Variants in XKR4 observed in about 807,000 individuals in gnomAD.
The protein encoded by XKR4 is XK related 4, also known as XK-related protein 4.
In XKR4, 12 loss-of-function variants were observed where a neutral mutation model predicts 53.9. That is an observed-to-expected ratio of 0.22 (90% CI 0.14 to 0.36). XKR4 has a LOEUF of 0.36. Among genes scored for constraint, XKR4 ranks in the 10% least tolerant of loss-of-function variants. XKR4 has a pLI of 1.00. For missense variants in XKR4, 799 were observed against 859.5 expected (o/e 0.93, Z 0.88); for synonymous variants, 354 against 362.4 (o/e 0.98, Z 0.26).
At chr8:55,231,324 T>C (rs998072854) in intron 1 of XKR4, among the ~76,000 whole-genome samples, 2 of 152,190 alleles carry the variant, frequency 1.3e-5, no homozygotes, top group Admixed American at 6.5e-5. Flanking sequence ...CTGAGTAAAG[T>C]AGGAAAATAC....
intron 1 of XKR4, among the ~76,000 whole-genome samples, chr8:55,176,337 A>G (rs1389087695): frequency 6.6e-6 from 1 of 152,230 alleles, no homozygotes; most frequent in African/African-American, 2.4e-5. Flanking sequence ...TCGCTCTGCT[A>G]GCCTTGCACC....
chr8:55,269,818 T>G (rs1190106633), intron 1 of XKR4, among the ~76,000 whole-genome samples: 1 of 152,196 alleles, frequency 6.6e-6, no homozygotes, highest in Non-Finnish European at 1.5e-5. Flanking sequence ...ATTTGTATCT[T>G]TTTTCATGTT....
intron 1 of XKR4, among the ~76,000 whole-genome samples, chr8:55,180,337 G>A (rs962156419): frequency 7.2e-5 from 11 of 152,082 alleles, no homozygotes; most frequent in Non-Finnish European, 1.3e-4. Context: ...CCAAGTCTTC[G>A]TCAAGGAAAA....
intron 2 of XKR4, among the ~76,000 whole-genome samples, chr8:55,455,718 G>A (rs1805559982): frequency 6.6e-6 from 1 of 152,194 alleles, no homozygotes; most frequent in South Asian, 2.1e-4. Flanking sequence ...GATAACCAAT[G>A]CATTTGTGCA....
intron 1 of XKR4, among the ~76,000 whole-genome samples, chr8:55,320,577 C>A (rs915960734): frequency 1.3e-5 from 2 of 152,044 alleles, no homozygotes; most frequent in African/African-American, 4.8e-5. Context: ...AATGTTTTAT[C>A]CAGATGTTAA....
At chr8:55,113,117 A>T (rs1397855193) in intron 1 of XKR4, among the ~76,000 whole-genome samples, 1 of 152,172 alleles carries the variant, frequency 6.6e-6, no homozygotes, top group Non-Finnish European at 1.5e-5. Context: ...CTGAAAAGTC[A>T]TAAAGAGTTA....
intron 1 of XKR4, among the ~76,000 whole-genome samples, chr8:55,284,327 C>A (rs1446954422): frequency 6.6e-6 from 1 of 152,134 alleles, no homozygotes; most frequent in Non-Finnish European, 1.5e-5. Flanking sequence ...TTTATTTTCT[C>A]ACAATTTCCA....
At chr8:55,503,812 A>G (rs910213821) in intron 2 of XKR4, among the ~76,000 whole-genome samples, 8 of 152,284 alleles carry the variant, frequency 5.3e-5, no homozygotes, top group Non-Finnish European at 1.0e-4. Flanking sequence ...GTCTTTTACC[A>G]TCAAGTATTT....
At chr8:55,210,657 C>CA (rs1817719253) in intron 1 of XKR4, among the ~76,000 whole-genome samples, 1 of 152,206 alleles carries the variant, frequency 6.6e-6, no homozygotes, top group African/African-American at 2.4e-5. Flanking sequence ...TTTGTTGTCT[C>CA]ATGGCCACAG....
rs144311787 is a variant in XKR4 at position 55,231,401 on chromosome 8, A to T, written c.807-126277A>T. 1.1e-4 allele frequency among the ~76,000 whole-genome samples: 16 copies of T among 152,286 alleles called. 1 individual carries two copies. In the East Asian group the frequency reaches 2.9e-3, roughly 28 times the overall value. ...ATTATAATAGAATATCTGCCCTTCC[A>T]TTTCACTTAGCTATGAAGGCACCAG... On this transcript the variant is annotated intron_variant, in intron 1 of 2. Transcript: ENST00000327381.
At chr8:55,258,024 G>A (rs1296971910) in intron 1 of XKR4, among the ~76,000 whole-genome samples, 1 of 152,168 alleles carries the variant, frequency 6.6e-6, no homozygotes, top group Non-Finnish European at 1.5e-5. Flanking sequence ...CCAGTGCTGA[G>A]TCCTGAGCTG....
At chr8:55,449,006 TTATG>T (rs1280127692) in intron 2 of XKR4, among the ~76,000 whole-genome samples, 1 of 152,128 alleles carries the variant, frequency 6.6e-6, no homozygotes, top group Non-Finnish European at 1.5e-5. Flanking sequence ...AAATCCAATG[TTATG>T]ACTTATTATA....
intron 1 of XKR4, among the ~76,000 whole-genome samples, chr8:55,328,263 G>A (rs1040215595): frequency 1.4e-4 from 21 of 152,070 alleles, no homozygotes; most frequent in African/African-American, 5.1e-4. Context: ...TTTCATATGT[G>A]GGCTTCAAGT....
At chr8:55,241,466 G>A (rs924363805) in intron 1 of XKR4, among the ~76,000 whole-genome samples, 2 of 149,122 alleles carry the variant, frequency 1.3e-5, no homozygotes, top group Non-Finnish European at 3.0e-5. Flanking sequence ...ATCAGCCCAG[G>A]CACATGACCA....
At chr8:55,413,445 C>T (rs766735214) in intron 2 of XKR4, among the ~76,000 whole-genome samples, 3 of 152,116 alleles carry the variant, frequency 2.0e-5, no homozygotes, top group Non-Finnish European at 4.4e-5. Flanking sequence ...AGGCTGGTCT[C>T]GAACTGCTGA....
At chr8:55,418,078 G>A (rs974881555) in intron 2 of XKR4, among the ~76,000 whole-genome samples, 1 of 152,218 alleles carries the variant, frequency 6.6e-6, no homozygotes, top group Non-Finnish European at 1.5e-5. Flanking sequence ...GAGCTAGATG[G>A]CAATGTTCTT....
intron 1 of XKR4, among the ~76,000 whole-genome samples, chr8:55,173,379 T>C (rs1817188668): frequency 6.6e-6 from 1 of 152,184 alleles, no homozygotes; most frequent in East Asian, 1.9e-4. Context: ...TCCTCCATTG[T>C]CTTGCACTTC....
intron 1 of XKR4, among the ~76,000 whole-genome samples, chr8:55,227,385 G>C (rs1817968040): frequency 6.6e-6 from 1 of 152,214 alleles, no homozygotes; most frequent in Admixed American, 6.5e-5. Context: ...GCCCAAGACT[G>C]AGGGTGGTAC....
At chr8:55,251,529 G>A (rs1269126847) in intron 1 of XKR4, among the ~76,000 whole-genome samples, 1 of 152,068 alleles carries the variant, frequency 6.6e-6, no homozygotes, top group African/African-American at 2.4e-5. Flanking sequence ...GGATAGAATG[G>A]GTCCTATAGA....
Sources: allele counts gnomAD v4.1 joint callset (sites outside exome capture counted in the v4.1 genomes callset), GRCh38; gene constraint gnomAD v4.1.1; transcripts MANE v1.5; gene names NCBI Gene and HGNC (gene_info 2026-07-23, HGNC 2026-07-21).